Variants in ZBTB7C observed in about 807,000 individuals in gnomAD.
The protein encoded by ZBTB7C is zinc finger and BTB domain containing 7C.
In ZBTB7C, 8 loss-of-function variants were observed where a neutral mutation model predicts 25.7. The observed-to-expected ratio is 0.31, with a 90% CI of 0.18 to 0.56. The LOEUF (loss-of-function observed/expected upper bound fraction) is 0.56. Among genes scored for constraint, ZBTB7C ranks in the 20% least tolerant of loss-of-function variants. The pLI, the probability that ZBTB7C is intolerant of heterozygous loss-of-function variation, is 0.91. For synonymous variants in ZBTB7C, 394 were observed against 369.0 expected, an observed-to-expected ratio of 1.07 and a Z score of -0.78; for missense variants, 824 against 855.2, an observed-to-expected ratio of 0.96 and a Z score of 0.46.
chr18:48,139,931 C>A lies in ZBTB7C; in HGVS notation c.-17+46003G>T, dbSNP rs576951996. On this transcript the variant is annotated intron_variant, in intron 3 of 4. Transcript: ENST00000590800. ...CTCCTCCTCAGCTCCCTTCCTCCAGCCCTAGCCCTTCTCAGCCCCCACCTC... is the reference window on the plus strand; with the variant it reads ...CTCCTCCTCAGCTCCCTTCCTCCAGACCTAGCCCTTCTCAGCCCCCACCTC... 1.7e-4 allele frequency among the ~76,000 whole-genome samples: 26 copies of A among 152,236 alleles called. No individual in the cohort carries two copies. The South Asian group carries it at 5.4e-3, about 32-fold the overall frequency.
intron 3 of ZBTB7C, among the ~76,000 whole-genome samples, chr18:48,069,288 T>C (rs554835419): frequency 1.3e-5 from 2 of 152,314 alleles, no homozygotes; most frequent in East Asian, 1.9e-4. Context: ...CCCTTGCTTG[T>C]TGTTTCATCT....
chr18:48,056,047 G>A (rs952510604), intron 3 of ZBTB7C, among the ~76,000 whole-genome samples: 17 of 152,182 alleles, frequency 1.1e-4, no homozygotes, highest in Non-Finnish European at 1.8e-4. Flanking sequence ...TGGCAAAAAA[G>A]TCATTATTTG....
chr18:48,176,674 G>A (rs1345301177), intron 3 of ZBTB7C, among the ~76,000 whole-genome samples: 1 of 151,546 alleles, frequency 6.6e-6, no homozygotes, highest in Non-Finnish European at 1.5e-5. Flanking sequence ...AGCAAGTGCT[G>A]TAAAATGTTA....
At chr18:48,247,940 G>T in intron 2 of ZBTB7C, among the ~76,000 whole-genome samples, 1 of 152,302 alleles carries the variant, frequency 6.6e-6, no homozygotes. Context: ...TGTCAACGGC[G>T]GGGCCAGGTG....
chr18:48,355,445 C>T (rs1289266682), intron 1 of ZBTB7C, among the ~76,000 whole-genome samples: 1 of 152,208 alleles, frequency 6.6e-6, no homozygotes, highest in African/African-American at 2.4e-5. Flanking sequence ...AGTCTGAACT[C>T]CTCACCCGAG....
chr18:48,165,244 T>A, intron 3 of ZBTB7C: 1 of 597,624 alleles, frequency 1.7e-6, no homozygotes, highest in Non-Finnish European at 2.8e-6. Context: ...GCCCACAGCT[T>A]AGAGCAGCTC....
At chr18:48,038,804 G>A (rs2036088491) in intron 4 of ZBTB7C, among the ~76,000 whole-genome samples, 1 of 152,126 alleles carries the variant, frequency 6.6e-6, no homozygotes, top group African/African-American at 2.4e-5. Context: ...ACCTAGTCTA[G>A]TAAGTCATGT....
At chr18:48,119,556 C>G (rs982177227) in intron 3 of ZBTB7C, among the ~76,000 whole-genome samples, 1 of 152,156 alleles carries the variant, frequency 6.6e-6, no homozygotes, top group Non-Finnish European at 1.5e-5. Flanking sequence ...AAATGTATAC[C>G]TACTTTTTGT....
At chr18:48,309,882 G>A (rs1246917639) in intron 2 of ZBTB7C, among the ~76,000 whole-genome samples, 5 of 152,160 alleles carry the variant, frequency 3.3e-5, no homozygotes, top group African/African-American at 7.2e-5. Flanking sequence ...TCTATTTGCC[G>A]GGTTCTGGTA....
chr18:48,093,619 A>AAC (rs374398671), intron 3 of ZBTB7C, among the ~76,000 whole-genome samples: 1 of 94,324 alleles, frequency 1.1e-5, no homozygotes, highest in South Asian at 3.1e-4. Context: ...AAAAAAAAAC[A>AAC]AAAAAAACAC....
intron 2 of ZBTB7C, among the ~76,000 whole-genome samples, chr18:48,262,708 C>A (rs1598730284): frequency 6.6e-6 from 1 of 152,134 alleles, no homozygotes; most frequent in East Asian, 1.9e-4. Context: ...ACCACTAACC[C>A]AATTTAAGTT....
At chr18:48,035,116 G>T (rs1450310512) in intron 4 of ZBTB7C, among the ~76,000 whole-genome samples, 2 of 152,218 alleles carry the variant, frequency 1.3e-5, no homozygotes, top group Non-Finnish European at 2.9e-5. Context: ...CAGGCTGCTG[G>T]CTTATCTGGA....
chr18:48,176,005 C>A (rs2041663374), intron 3 of ZBTB7C, among the ~76,000 whole-genome samples: 1 of 152,104 alleles, frequency 6.6e-6, no homozygotes, highest in Non-Finnish European at 1.5e-5. Flanking sequence ...TAGGGAGAGA[C>A]CGATGAGGAG....
intron 2 of ZBTB7C, among the ~76,000 whole-genome samples, chr18:48,197,632 T>C (rs916553105): frequency 6.6e-6 from 1 of 152,200 alleles, no homozygotes; most frequent in Non-Finnish European, 1.5e-5. Flanking sequence ...TGCCGGCCAG[T>C]TGAGCTTCTG....
At chr18:48,344,196 C>A (rs2046671816) in intron 1 of ZBTB7C, among the ~76,000 whole-genome samples, 3 of 152,190 alleles carry the variant, frequency 2.0e-5, no homozygotes, top group African/African-American at 4.8e-5. Context: ...GTTGGCCAGG[C>A]TGGTCTTGAA....
intron 2 of ZBTB7C, among the ~76,000 whole-genome samples, chr18:48,188,815 C>T (rs2145146655): frequency 6.6e-6 from 1 of 152,254 alleles, no homozygotes; most frequent in South Asian, 2.1e-4. Context: ...CATACCCCTG[C>T]CTAGAAAGCC....
At chr18:48,410,230 C>A (rs1042262026), upstream of ZBTB7C, among the ~76,000 whole-genome samples, 2 of 152,186 alleles carry the variant, frequency 1.3e-5, no homozygotes, top group African/African-American at 2.4e-5. Flanking sequence ...AAGCTTGCCG[C>A]ACCCCGGGGC....
At chr18:48,308,356 G>A (rs991752114) in intron 2 of ZBTB7C, among the ~76,000 whole-genome samples, 1 of 152,150 alleles carries the variant, frequency 6.6e-6, no homozygotes, top group Admixed American at 6.5e-5. Context: ...CTGGCATTTA[G>A]GGCAGGATGA....
intron 3 of ZBTB7C, among the ~76,000 whole-genome samples, chr18:48,140,550 T>C (rs1216751852): frequency 6.6e-6 from 1 of 152,192 alleles, no homozygotes; most frequent in Non-Finnish European, 1.5e-5. Flanking sequence ...GTTCATACAA[T>C]TGGTTCCCTA....
Sources: gnomAD v4.1 joint callset for allele counts (sites outside exome capture counted in the v4.1 genomes callset) on GRCh38, gnomAD v4.1.1 for gene constraint, MANE v1.5 for transcripts, NCBI Gene and HGNC (gene_info 2026-07-23, HGNC 2026-07-21) for gene names.